Variants in STIM1 observed in about 807,000 individuals in gnomAD.
STIM1 encodes the protein stromal interaction molecule 1.
A neutral mutation model predicts 74.7 loss-of-function variants in STIM1; 25 were observed. The observed-to-expected ratio is 0.33, with a 90% confidence interval of 0.24 to 0.47. The LOEUF (loss-of-function observed/expected upper bound fraction) is 0.47. Among genes scored for constraint, STIM1 ranks in the 20% least tolerant of loss-of-function variants. The pLI, the probability that STIM1 is intolerant of heterozygous loss-of-function variation, is 1.00. For synonymous variants in STIM1, 328 were observed against 348.8 expected (o/e 0.94, Z 0.66); for missense variants, 728 against 920.8 (o/e 0.79, Z 2.71).
At chr11:3,871,808 A>C (rs974711371) in intron 1 of STIM1, among the ~76,000 whole-genome samples, 1 of 152,182 alleles carries the variant, frequency 6.6e-6, no homozygotes, top group Non-Finnish European at 1.5e-5. Flanking sequence ...TCTGGGCTTA[A>C]ATTTCCTCAT....
chr11:3,860,999 A>G (rs1046801582), intron 1 of STIM1, among the ~76,000 whole-genome samples: 1 of 152,084 alleles, frequency 6.6e-6, no homozygotes, highest in Non-Finnish European at 1.5e-5. Context: ...GCTGGGCTAG[A>G]CTAGGTGGCT....
intron 2 of STIM1, among the ~76,000 whole-genome samples, chr11:4,010,038 C>G (rs1247473296): frequency 6.6e-6 from 1 of 152,100 alleles, no homozygotes; most frequent in Admixed American, 6.6e-5. Context: ...GTCTTGAACT[C>G]CTGGGCTCAA....
chr11:4,058,832 A>C, intron 4 of STIM1: 1 of 1,015,962 alleles, frequency 9.8e-7, no homozygotes. Flanking sequence ...GCAGGTTTAT[A>C]TATAATGACA....
chr11:3,855,757 C>G lies in STIM1; in HGVS notation c.-514C>G, dbSNP rs930581583. 1 of 162,316 alleles carries G rather than the reference C, an allele frequency of 6.2e-6. No homozygotes were observed. Among genetic ancestry groups the G allele is most frequent in the Non-Finnish European group, 1.4e-5 (1 of 73,700 alleles). The allele number at this position is 162,316 out of a possible 1,614,324, so 10.1% of individuals were successfully genotyped here. On this transcript the variant is annotated 5_prime_UTR_variant, in exon 1 of 13. Coordinates refer to ENST00000526596, the MANE Select transcript of STIM1 (RefSeq NM_001382567.1). ...CACGGGACTGGGCGGGGGCGCTGAC[C>G]TCGGCCTAGGAGGCCCAGGATCCCG...
At chr11:3,968,731 T>G (rs1281353912) in intron 2 of STIM1, among the ~76,000 whole-genome samples, 4 of 152,192 alleles carry the variant, frequency 2.6e-5, no homozygotes. Flanking sequence ...TCAGGTAATA[T>G]AATTTCTATC....
intron 2 of STIM1, among the ~76,000 whole-genome samples, chr11:3,990,198 T>C (rs1469516781): frequency 1.3e-5 from 2 of 152,250 alleles, no homozygotes; most frequent in Non-Finnish European, 2.9e-5. Context: ...TCAAGGTGCA[T>C]TCATGTTGTA....
intron 1 of STIM1, among the ~76,000 whole-genome samples, chr11:3,924,208 T>C (rs554283046): frequency 1.3e-4 from 19 of 150,186 alleles, no homozygotes; most frequent in African/African-American, 2.7e-4. Context: ...CTTTTCTTTT[T>C]TTTTTTTTGA....
chr11:3,954,689 G>C (rs140716575), intron 1 of STIM1, among the ~76,000 whole-genome samples: 1 of 152,164 alleles, frequency 6.6e-6, no homozygotes, highest in Non-Finnish European at 1.5e-5. Flanking sequence ...AGAAGTAAGA[G>C]CCTTCCATAC....
chr11:3,904,680 G>A (rs1286671374), intron 1 of STIM1, among the ~76,000 whole-genome samples: 6 of 152,132 alleles, frequency 3.9e-5, no homozygotes, highest in Non-Finnish European at 5.9e-5. Flanking sequence ...AGTGGTCATG[G>A]GGGTTGATTT....
chr11:3,984,910 G>A (rs963033924), intron 2 of STIM1, among the ~76,000 whole-genome samples: 1 of 152,208 alleles, frequency 6.6e-6, no homozygotes, highest in South Asian at 2.1e-4. Flanking sequence ...AGTATGCATA[G>A]GTCCTGTGGG....
chr11:3,942,011 G>A (rs1183019183), intron 1 of STIM1, among the ~76,000 whole-genome samples: 2 of 152,072 alleles, frequency 1.3e-5, no homozygotes, highest in Non-Finnish European at 2.9e-5. Context: ...TATATAAAAT[G>A]ATCAAAAATA....
At chr11:4,027,955 G>C (rs1235437076) in intron 3 of STIM1, among the ~76,000 whole-genome samples, 1 of 152,144 alleles carries the variant, frequency 6.6e-6, no homozygotes, top group Non-Finnish European at 1.5e-5. Context: ...GAAGAATGAT[G>C]GGAGGCACTG....
chr11:3,948,865 T>C (rs2093111057), intron 1 of STIM1, among the ~76,000 whole-genome samples: 1 of 152,232 alleles, frequency 6.6e-6, no homozygotes, highest in Non-Finnish European at 1.5e-5. Flanking sequence ...GCATCTACTA[T>C]ATGCCAGGCT....
At chr11:3,869,812 C>A (rs2135259583) in intron 1 of STIM1, among the ~76,000 whole-genome samples, 1 of 152,146 alleles carries the variant, frequency 6.6e-6, no homozygotes, top group African/African-American at 2.4e-5. Context: ...AGGCAATGAG[C>A]CTAGATAGGA....
intron 1 of STIM1, among the ~76,000 whole-genome samples, chr11:3,879,468 C>CA (rs1191270925): frequency 6.6e-6 from 1 of 152,146 alleles, no homozygotes; most frequent in Admixed American, 6.5e-5. Flanking sequence ...TAATCTTCTC[C>CA]CCAGCCAACT....
intron 1 of STIM1, among the ~76,000 whole-genome samples, chr11:3,941,483 A>C (rs1185893812): frequency 6.6e-6 from 1 of 152,044 alleles, no homozygotes; most frequent in African/African-American, 2.4e-5. Context: ...GTTAAGCAGT[A>C]GATGTGTAGG....
intron 2 of STIM1, among the ~76,000 whole-genome samples, chr11:4,002,860 A>G (rs1226129045): frequency 1.4e-5 from 2 of 142,944 alleles, no homozygotes; most frequent in African/African-American, 5.0e-5. Flanking sequence ...TAAAGAAAAA[A>G]AGAGAGAAGA....
intron 1 of STIM1, among the ~76,000 whole-genome samples, chr11:3,895,052 C>T (rs2092018099): frequency 1.3e-5 from 2 of 152,020 alleles, no homozygotes; most frequent in African/African-American, 4.8e-5. Flanking sequence ...CCCGGCCGAC[C>T]CTGTTCTAAG....
chr11:3,990,524 T>C (rs2093600581), intron 2 of STIM1, among the ~76,000 whole-genome samples: 1 of 152,250 alleles, frequency 6.6e-6, no homozygotes, highest in South Asian at 2.1e-4. Flanking sequence ...ATTTTCCATA[T>C]AAAAATGGTT....
Sources: allele counts gnomAD v4.1 joint callset (sites outside exome capture counted in the v4.1 genomes callset), GRCh38; gene constraint gnomAD v4.1.1; transcripts MANE v1.5; gene names NCBI Gene and HGNC (gene_info 2026-07-23, HGNC 2026-07-21).